The following MVK variants were observed in gnomAD, a reference collection of about 807,000 sequenced individuals.
MVK encodes mevalonate kinase.
MVK carries 34 observed loss-of-function variants against 43.2 expected under a neutral mutation model. The ratio of observed to expected loss-of-function variants is 0.79; its 90% CI spans 0.60 to 1.05. The LOEUF (loss-of-function observed/expected upper bound fraction) is 1.05. Among genes scored for constraint, MVK ranks in the 50% least tolerant of loss-of-function variants. The probability of loss-of-function intolerance (pLI) is 0.00; values close to 1 mark genes in which losing one functional copy is unlikely to be tolerated. For synonymous variants in MVK, 190 were observed against 219.8 expected (o/e 0.86, Z 1.20); for missense variants, 395 against 504.0 (o/e 0.78, Z 2.07).
chr12:109,591,009 G>C, intron 8 of MVK, 148 bp downstream of exon 8: 1 of 976,976 alleles, frequency 1.0e-6, no homozygotes, highest in Non-Finnish European at 1.6e-6. Context: ...CAGAAAAGAA[G>C]GTACCGTCCG....
intron 3 of MVK, among the ~76,000 whole-genome samples, chr12:109,577,895 G>A (rs1322565794): frequency 6.6e-6 from 1 of 152,202 alleles, no homozygotes; most frequent in African/African-American, 2.4e-5. Flanking sequence ...AAGGTGCACA[G>A]GGCCACCCAG....
chr12:109,579,167 T>C, intron 3 of MVK: 1 of 408,896 alleles, frequency 2.4e-6, no homozygotes. Context: ...TGAGACAGGG[T>C]CTCACTCTGT....
intron 2 of MVK, among the ~76,000 whole-genome samples, chr12:109,575,772 CTGAAATTTTGCAG>C (rs1211025658): frequency 1.3e-5 from 2 of 152,146 alleles, no homozygotes; most frequent in Non-Finnish European, 2.9e-5. Context: ...TTGAGAACCT[CTGAAATTTTGCAG>C]GCAGAAGGCA....
Position 109,576,102 on chromosome 12 carries a change from C to T in MVK, c.183C>T (p.Ala61=). 6.2e-7 allele frequency: 1 copy of T among 1,614,162 alleles called. No homozygotes were observed. Among genetic ancestry groups the T allele is most frequent in the Non-Finnish European group, 8.5e-7 (1 of 1,180,024 alleles). ...TACCCAACATTGGTATCAAGCGGGCCTGGGATGTGGCCAGGCTTCAGTCAC... is the reference window on the plus strand; with the variant it reads ...TACCCAACATTGGTATCAAGCGGGCTTGGGATGTGGCCAGGCTTCAGTCAC... ...LSLPNIGIKR[A]WDVARLQSLD... is the part of the protein sequence containing the mutation. The change falls in exon 3 of 11, where the codon GCC becomes GCT. Residue 61 remains alanine, a synonymous_variant. Coordinates refer to ENST00000228510, the MANE Select transcript of MVK (RefSeq NM_000431.4).
intron 3 of MVK, among the ~76,000 whole-genome samples, chr12:109,577,467 G>T (rs1885007867): frequency 6.6e-6 from 1 of 152,202 alleles, no homozygotes; most frequent in South Asian, 2.1e-4. Flanking sequence ...GATGGAGGAA[G>T]AGTTGAAAAT....
chr12:109,578,356 C>T (rs997676981), intron 3 of MVK, among the ~76,000 whole-genome samples: 5 of 151,964 alleles, frequency 3.3e-5, no homozygotes, highest in Non-Finnish European at 7.4e-5. Context: ...CTTAGCCTCC[C>T]GAGTAGCTGG....
chr12:109,589,788 C>T (rs11611484), intron 7 of MVK: 25,845 of 152,262 alleles, frequency 0.17, 2,283 homozygotes, highest in African/African-American at 0.19. Context: ...ATCCAAATCC[C>T]CCACCTTCCA....
At chr12:109,577,652 A>G (rs1039046144) in intron 3 of MVK, among the ~76,000 whole-genome samples, 1 of 150,888 alleles carries the variant, frequency 6.6e-6, no homozygotes, top group Non-Finnish European at 1.5e-5. Context: ...TTTTAACTTC[A>G]TCATATCTTG....
At chr12:109,576,598 C>A (rs1022614603) in intron 3 of MVK, among the ~76,000 whole-genome samples, 1 of 152,104 alleles carries the variant, frequency 6.6e-6, no homozygotes, top group Non-Finnish European at 1.5e-5. Flanking sequence ...AGGCCAGGCA[C>A]AGTGGCTCAT....
intron 9 of MVK, among the ~76,000 whole-genome samples, chr12:109,592,976 T>C (rs1885747858): frequency 6.6e-6 from 1 of 152,148 alleles, no homozygotes; most frequent in Non-Finnish European, 1.5e-5. Context: ...GAACAGCACG[T>C]TGATTATACA....
At chr12:109,590,750 T>G (rs1354319119) in intron 7 of MVK, 21 bp from the exon 8 acceptor site, 1 of 1,612,202 alleles carries the variant, frequency 6.2e-7, no homozygotes, top group Non-Finnish European at 8.5e-7. Context: ...AGTGTGGACC[T>G]GCCTCCTCTT....
In MVK at chr12:109,579,898, C is replaced by T. The variant is rs1164303878; in HGVS notation, c.323C>T (p.Ala108Val). The change falls in exon 4 of 11, where the codon GCT (alanine) becomes GTT (valine). Residue 108 changes from alanine (A) to valine (V), a missense_variant. Coordinates refer to ENST00000228510, the MANE Select transcript of MVK (RefSeq NM_000431.4). ...GACTGTGCTGTCACCGAGCGCCTGGCTGTGCTGGCCTTTCTTTACTTATAC... is the reference window on the plus strand; with the variant it reads ...GACTGTGCTGTCACCGAGCGCCTGGTTGTGCTGGCCTTTCTTTACTTATAC... Reference protein sequence around the residue: ...PDDCAVTERLAVLAFLYLYLS... With the variant: ...PDDCAVTERLVVLAFLYLYLS... 2 of 1,614,264 alleles carry T rather than the reference C, an allele frequency of 1.2e-6. No homozygotes were observed. Among genetic ancestry groups the T allele is most frequent in the East Asian group, 2.2e-5 (1 of 44,888 alleles).
At position 109,590,763 on chromosome 12, in the gene MVK, C is replaced by T. The variant is rs1451676951; in HGVS notation, c.678-8C>T. On this transcript the variant is annotated splice_polypyrimidine_tract_variant and splice_region_variant and intron_variant, in intron 7 of 10. Coordinates refer to ENST00000228510, the MANE Select transcript of MVK (RefSeq NM_000431.4). ...TCAGTGTGGACCTGCCTCCTCTTCA[C>T]CCTGCAGGTCGCCAGCTCTCCAGAT... The T allele has an allele frequency of 3.1e-6, 5 of 1,613,440 alleles. No individual in the cohort carries two copies. Among genetic ancestry groups the T allele is most frequent in the Non-Finnish European group, 4.2e-6 (5 of 1,179,536 alleles).
chr12:109,594,422 C>T (rs1229530948), intron 9 of MVK, among the ~76,000 whole-genome samples: 5 of 152,192 alleles, frequency 3.3e-5, no homozygotes, highest in African/African-American at 9.7e-5. Context: ...AACCAGTCCC[C>T]AAGGCAGCTG....
At position 109,595,183 on chromosome 12, in the gene MVK, T is replaced by C. The variant is rs398122910; in HGVS notation, c.1039+2T>C. 1 of 1,613,944 alleles carries C rather than the reference T, an allele frequency of 6.2e-7. No homozygotes were observed. ...GTGGCATCACACTCCTCAAGCCAGGTATCCCGGGGGTAGGTGGGCCAGGCT... is the reference window on the plus strand; with the variant it reads ...GTGGCATCACACTCCTCAAGCCAGGCATCCCGGGGGTAGGTGGGCCAGGCT... On this transcript the variant is annotated splice_donor_variant, in intron 10 of 10. Coordinates refer to ENST00000228510, the MANE Select transcript of MVK (RefSeq NM_000431.4). LOFTEE classifies it high-confidence loss of function. This position sits in a 1 kb window ranked among gnomAD's most constrained non-coding sequence, Gnocchi z 5.9.
At chr12:109,584,363 G>A (rs532044681) in intron 5 of MVK, among the ~76,000 whole-genome samples, 7 of 152,304 alleles carry the variant, frequency 4.6e-5, no homozygotes, top group African/African-American at 1.7e-4. Flanking sequence ...CTCACAGCAA[G>A]TAAGTGATTG....
In MVK at chr12:109,590,270, G is replaced by A. The variant is rs901898843; in HGVS notation, c.678-501G>A. 30 of 216,114 alleles carry A rather than the reference G, an allele frequency of 1.4e-4. No individual in the cohort carries two copies. In the Admixed American group the frequency reaches 1.4e-3, roughly 10 times the overall value. 13.4% of individuals were successfully genotyped at this position (216,114 alleles called of 1,614,324 possible). A position where few individuals can be genotyped will look rare whatever the true frequency, so the allele number is the denominator to read the frequency against. ...GGGTGACCCACACAAGTGAACCTTC[G>A]CCCCCTCCTTGTACTCTGCTATAGC... On this transcript the variant is annotated intron_variant, in intron 7 of 10. Transcript: ENST00000228510.
intron 4 of MVK, among the ~76,000 whole-genome samples, chr12:109,581,051 G>A (rs574150687): frequency 6.6e-6 from 1 of 152,298 alleles, no homozygotes; most frequent in African/African-American, 2.4e-5. Context: ...GCTATTGCAG[G>A]CAGAGGGGCC....
rs1305968276 is a variant in MVK at position 109,583,164 on chromosome 12, T to C, written c.527+1614T>C. 2.6e-5 allele frequency among the ~76,000 whole-genome samples: 4 copies of C among 151,940 alleles called. No homozygotes were observed. The East Asian group carries it at 7.7e-4, about 29-fold the overall frequency. On this transcript the variant is annotated intron_variant, in intron 5 of 10. Coordinates refer to ENST00000228510, the MANE Select transcript of MVK (RefSeq NM_000431.4). ...GCACAATGTGCAGGTTAGTTACATA[T>C]GTATACATGTGCCATGCTGGTGTGC...
Sources: allele counts gnomAD v4.1 joint callset (sites outside exome capture counted in the v4.1 genomes callset), GRCh38; gene constraint gnomAD v4.1.1; non-coding constraint Gnocchi (gnomAD v3.1); transcripts MANE v1.5; gene names NCBI Gene and HGNC (gene_info 2026-07-23, HGNC 2026-07-21).